SDK2: variants seen among roughly 807,000 people sequenced by gnomAD.
SDK2 encodes the protein protein sidekick-2.
In SDK2, 105 loss-of-function variants were observed where a neutral mutation model predicts 253.9. That is an observed-to-expected ratio of 0.41 (90% CI 0.35 to 0.49). The LOEUF (loss-of-function observed/expected upper bound fraction) is 0.49. Ranked by LOEUF, SDK2 falls within the 20% of genes least tolerant of loss-of-function variation. SDK2 has a pLI of 0.06. For missense variants in SDK2, 2,608 were observed against 3,003.0 expected (o/e 0.87, Z 3.07); for synonymous variants, 1,249 against 1,234.9 (o/e 1.01, Z -0.24).
intron 33 of SDK2, among the ~76,000 whole-genome samples, chr17:73,382,298 C>A (rs1268178202): frequency 6.6e-6 from 1 of 152,088 alleles, no homozygotes; most frequent in African/African-American, 2.4e-5. Context: ...CCACACCCAC[C>A]TGAGTACCCA....
intron 1 of SDK2, among the ~76,000 whole-genome samples, chr17:73,509,443 C>T (rs1264273479): frequency 6.6e-6 from 1 of 152,064 alleles, no homozygotes. Flanking sequence ...TAACTTTACC[C>T]TGTGAGCCTG....
At chr17:73,380,827 G>A in intron 34 of SDK2, 67 bp downstream of exon 34, 1 of 1,386,632 alleles carries the variant, frequency 7.2e-7, no homozygotes, top group South Asian at 1.2e-5. Flanking sequence ...GTCTCTCAAG[G>A]AGGCCCCACT....
chr17:73,403,635 C>T lies in SDK2; in HGVS notation c.2485-1494G>A, dbSNP rs371401829. 4.5e-4 allele frequency among the ~76,000 whole-genome samples: 69 copies of T among 152,336 alleles called. No homozygotes were observed. The South Asian group carries it at 4.8e-3, about 11-fold the overall frequency. ...AAAACAATACCACGCCAATGTCTCC[C>T]GGTTAACTCATGCCTATAACAATGC... On this transcript the variant is annotated intron_variant, in intron 18 of 44. Transcript: ENST00000392650.
chr17:73,496,032 G>A lies in SDK2; in HGVS notation c.224+11406C>T, dbSNP rs1024495161. ...TCCAAAGGGCTGGAACAGGCAGATA[G>A]GATCTAGCCTCATTGAGGAAAAGGA... is the stretch of plus-strand genomic sequence containing the variant. On this transcript the variant is annotated intron_variant, in intron 2 of 44. Transcript: ENST00000392650. The surrounding 1 kb of genome is among the most constrained non-coding windows in gnomAD (Gnocchi z 4.7). 2.0e-5 allele frequency among the ~76,000 whole-genome samples: 3 copies of A among 152,178 alleles called. No individual in the cohort carries two copies. Among genetic ancestry groups the A allele is most frequent in the Non-Finnish European group, 4.4e-5 (3 of 68,034 alleles).
At chr17:73,580,235 G>A (rs943738393) in intron 1 of SDK2, among the ~76,000 whole-genome samples, 6 of 152,118 alleles carry the variant, frequency 3.9e-5, no homozygotes, top group African/African-American at 9.7e-5. Flanking sequence ...AGACACTCCC[G>A]CCTGCCTCAT....
At chr17:73,516,770 G>A (rs2064032581) in intron 1 of SDK2, 1 of 152,254 alleles carries the variant, frequency 6.6e-6, no homozygotes, top group Admixed American at 6.5e-5. Context: ...ATTACGCCGT[G>A]GCCTCCGCAG....
intron 26 of SDK2, 28 bp downstream of exon 26, chr17:73,394,181 C>A (rs1179060765): frequency 7.1e-7 from 1 of 1,406,452 alleles, no homozygotes; most frequent in Non-Finnish European, 9.6e-7. Context: ...AGTGTAGGGA[C>A]CCCACCTCCT....
intron 1 of SDK2, among the ~76,000 whole-genome samples, chr17:73,641,884 T>C (rs985370285): frequency 6.6e-6 from 1 of 151,944 alleles, no homozygotes; most frequent in African/African-American, 2.4e-5. Context: ...CTGCCAAGCC[T>C]AGGACCACGT....
Position 73,455,595 on chromosome 17 carries a change from C to T in SDK2, c.479+311G>A, listed in dbSNP as rs879341418. Among the ~76,000 whole-genome samples, 3 of 152,194 alleles carry T rather than the reference C, an allele frequency of 2.0e-5. No individual in the cohort carries two copies. The highest frequency in any genetic ancestry group is 7.2e-5 in the African/African-American group (3 of 41,448). ...CCTGGGCCTGTAACCACGGTGACAG[C>T]GCCTTCGTATATGCCTGTTTGGGTT... On this transcript the variant is annotated intron_variant, in intron 4 of 44. Coordinates refer to ENST00000392650, the MANE Select transcript of SDK2 (RefSeq NM_001144952.2). The surrounding 1 kb of genome is among the most constrained non-coding windows in gnomAD (Gnocchi z 5.0).
intron 2 of SDK2, among the ~76,000 whole-genome samples, chr17:73,476,449 C>G (rs747112391): frequency 1.3e-5 from 2 of 152,056 alleles, no homozygotes; most frequent in Admixed American, 6.6e-5. Flanking sequence ...CTTTATCGTA[C>G]GCATATATTG....
intron 1 of SDK2, among the ~76,000 whole-genome samples, chr17:73,596,964 G>C (rs748274934): frequency 1.3e-5 from 2 of 152,160 alleles, no homozygotes; most frequent in Non-Finnish European, 2.9e-5. Context: ...TTCCATTCTG[G>C]GGACTCTGGT....
chr17:73,513,069 T>A (rs2063993747), intron 1 of SDK2, among the ~76,000 whole-genome samples: 1 of 152,096 alleles, frequency 6.6e-6, no homozygotes, highest in Non-Finnish European at 1.5e-5. Flanking sequence ...GCCAAGTACT[T>A]TCTAAGTACT....
intron 1 of SDK2, among the ~76,000 whole-genome samples, chr17:73,580,306 C>A (rs1001462009): frequency 1.3e-5 from 2 of 152,262 alleles, no homozygotes; most frequent in African/African-American, 4.8e-5. Flanking sequence ...GCTGCAAAGC[C>A]CCCTCTTTTC....
chr17:73,555,370 G>T (rs1017461682), intron 1 of SDK2, among the ~76,000 whole-genome samples: 1 of 152,240 alleles, frequency 6.6e-6, no homozygotes, highest in Non-Finnish European at 1.5e-5. Context: ...TGTGGCATGT[G>T]AATGGGAGTA....
chr17:73,451,309 C>T (rs1457608491), intron 4 of SDK2, among the ~76,000 whole-genome samples: 3 of 152,134 alleles, frequency 2.0e-5, no homozygotes, highest in Non-Finnish European at 4.4e-5. Context: ...GAGTTCAAGA[C>T]CAGCCTGATC....
In SDK2 at chr17:73,534,011, G is replaced by A. The variant is rs1373930445; in HGVS notation, c.65-26414C>T. ...TGCGGCAACATCTGCACCTCCGCTT[G>A]CAGCCAAGACGCCATTCTGCTCCGC... On this transcript the variant is annotated intron_variant, in intron 1 of 44. Coordinates refer to ENST00000392650, the MANE Select transcript of SDK2 (RefSeq NM_001144952.2). This position sits in a 1 kb window ranked among gnomAD's most constrained non-coding sequence, Gnocchi z 4.9. 6.6e-6 allele frequency among the ~76,000 whole-genome samples: 1 copy of A among 152,116 alleles called. No individual in the cohort carries two copies. Among genetic ancestry groups the A allele is most frequent in the African/African-American group, 2.4e-5 (1 of 41,416 alleles).
In SDK2 at chr17:73,412,093, CGT is replaced by C. The variant is rs2063140607; in HGVS notation, c.2484+2549_2484+2550del. ...ACGTATATATGTATATGTATATATACGTATATATGTATACGTATATATGTATA... is the reference window on the plus strand; with the variant it reads ...ACGTATATATGTATATGTATATATACATATATGTATACGTATATATGTATA... On this transcript the variant is annotated intron_variant, in intron 18 of 44. Coordinates refer to ENST00000392650, the MANE Select transcript of SDK2 (RefSeq NM_001144952.2). 3.2e-5 allele frequency among the ~76,000 whole-genome samples: 3 copies of C among 92,540 alleles called. 1 individual carries two copies. The highest frequency in any genetic ancestry group is 3.0e-4 in the South Asian group (1 of 3,328). The allele number at this position is 92,540 out of a possible 152,430, so 60.7% of individuals were successfully genotyped here.
chr17:73,611,278 G>C (rs2045971278), intron 1 of SDK2, among the ~76,000 whole-genome samples: 1 of 152,162 alleles, frequency 6.6e-6, no homozygotes, highest in East Asian at 1.9e-4. Context: ...CCCAAGTTCA[G>C]CCTCTGGCTC....
chr17:73,555,199 CA>C (rs367692092), intron 1 of SDK2, among the ~76,000 whole-genome samples: 1 of 152,332 alleles, frequency 6.6e-6, no homozygotes, highest in Middle Eastern at 3.4e-3. Flanking sequence ...GGATGGTAAC[CA>C]GAGAGAGCAG....
Sources: allele counts gnomAD v4.1 joint callset (sites outside exome capture counted in the v4.1 genomes callset), GRCh38; gene constraint gnomAD v4.1.1; non-coding constraint Gnocchi (gnomAD v3.1); transcripts MANE v1.5; gene names NCBI Gene and HGNC (gene_info 2026-07-23, HGNC 2026-07-21).